The following GRID2 variants were observed in gnomAD, a reference collection of about 807,000 sequenced individuals.
The protein encoded by GRID2 is glutamate ionotropic receptor delta type subunit 2.
Under a neutral mutation model 114.8 loss-of-function variants are expected in GRID2, and 33 were observed. The observed-to-expected ratio is 0.29, with a 90% CI of 0.22 to 0.38. The LOEUF is 0.38. Ranked by LOEUF, GRID2 falls within the 10% of genes least tolerant of loss-of-function variation. GRID2 has a pLI of 1.00. For missense variants in GRID2, 1,184 were observed against 1,257.7 expected (o/e 0.94, Z 0.89); for synonymous variants, 505 against 449.9 (o/e 1.12, Z -1.55).
At chr4:92,943,478 A>T (rs1751344795) in intron 2 of GRID2, among the ~76,000 whole-genome samples, 1 of 151,934 alleles carries the variant, frequency 6.6e-6, no homozygotes, top group African/African-American at 2.4e-5. Context: ...TTAGCCATTC[A>T]TCTAATTTTT....
At chr4:92,612,241 T>A (rs1038203486) in intron 2 of GRID2, among the ~76,000 whole-genome samples, 1 of 151,516 alleles carries the variant, frequency 6.6e-6, no homozygotes, top group Non-Finnish European at 1.5e-5. Flanking sequence ...GTTGAATTAT[T>A]TTGGCACTTT....
intron 11 of GRID2, among the ~76,000 whole-genome samples, chr4:93,478,133 A>G (rs1725496000): frequency 6.6e-6 from 1 of 150,944 alleles, no homozygotes; most frequent in Non-Finnish European, 1.5e-5. Context: ...AAACAGTGGG[A>G]ATTTTATACA....
At chr4:93,775,159 A>T (rs1047071267), downstream of GRID2, among the ~76,000 whole-genome samples, 24 of 151,892 alleles carry the variant, frequency 1.6e-4, no homozygotes, top group South Asian at 4.8e-3. Flanking sequence ...AAAAAAAAAA[A>T]ATAGTTCTCT....
chr4:92,475,245 C>T (rs1452273577), intron 1 of GRID2, among the ~76,000 whole-genome samples: 1 of 151,240 alleles, frequency 6.6e-6, no homozygotes, highest in African/African-American at 2.4e-5. Context: ...ATATCATTGC[C>T]AAGATCAATG....
rs1196248594 is a variant in GRID2 at position 92,733,401 on chromosome 4, GA to G, written c.244+143118del. Among the ~76,000 whole-genome samples the G allele has an allele frequency of 3.3e-5, 5 of 152,204 alleles. 1 individual carries two copies. In the East Asian group the frequency reaches 9.7e-4, roughly 29 times the overall value. On this transcript the variant is annotated intron_variant, in intron 2 of 15. Transcript: ENST00000282020. ...CTGTCTCTGCCCAAGCTAATTCCAG[GA>G]AATGCTGTCTATTCTATTCAGTGAC...
rs143521732 is a variant in GRID2 at position 93,275,768 on chromosome 4, T to G, written c.1245+37278T>G. On this transcript the variant is annotated intron_variant, in intron 8 of 15. Transcript: ENST00000282020. ...GCTCGTTGGCCATTTATAGATCTTCTTTGGAGAAATGTCCTTTCAAATTTT... is the reference window on the plus strand; with the variant it reads ...GCTCGTTGGCCATTTATAGATCTTCGTTGGAGAAATGTCCTTTCAAATTTT... Among the ~76,000 whole-genome samples the G allele has an allele frequency of 3.7e-3, 567 of 152,020 alleles. 4 individuals carry two copies. Among genetic ancestry groups the G allele is most frequent in the African/African-American group, 0.013 (544 of 41,532 alleles).
intron 2 of GRID2, among the ~76,000 whole-genome samples, chr4:92,710,906 A>T (rs193150992): frequency 6.6e-6 from 1 of 151,902 alleles, no homozygotes; most frequent in Admixed American, 6.6e-5. Flanking sequence ...TGATGAAAAA[A>T]CTAGCATTCA....
chr4:92,563,674 A>G (rs1051323262), intron 1 of GRID2, among the ~76,000 whole-genome samples: 2 of 152,072 alleles, frequency 1.3e-5, no homozygotes, highest in Non-Finnish European at 2.9e-5. Flanking sequence ...CATATGACTA[A>G]TGAGGGAAGC....
chr4:93,677,446 C>A lies in GRID2; in HGVS notation c.2360+51011C>A, dbSNP rs540964962. 3.3e-3 allele frequency among the ~76,000 whole-genome samples: 508 copies of A among 152,310 alleles called. 2 individuals carry two copies. Among genetic ancestry groups the A allele is most frequent in the African/African-American group, 0.012 (489 of 41,570 alleles). Reference sequence around the variant, plus strand: ...GAGCAGTGGTTCTCCCAGCACGCAGCTGGAGATCTGAGAACGGGCAGACTG... The same window carrying A: ...GAGCAGTGGTTCTCCCAGCACGCAGATGGAGATCTGAGAACGGGCAGACTG... On this transcript the variant is annotated intron_variant, in intron 14 of 15. Coordinates refer to ENST00000282020, the MANE Select transcript of GRID2 (RefSeq NM_001510.4).
chr4:92,640,807 G>A (rs1332129055), intron 2 of GRID2, among the ~76,000 whole-genome samples: 1 of 151,770 alleles, frequency 6.6e-6, no homozygotes, highest in East Asian at 1.9e-4. Context: ...ACTTAAACTT[G>A]TAATTCTCAT....
At chr4:93,633,041 CTCTT>C (rs1277044358) in intron 14 of GRID2, among the ~76,000 whole-genome samples, 1 of 145,648 alleles carries the variant, frequency 6.9e-6, no homozygotes, top group East Asian at 2.0e-4. Context: ...TGTATAAGAT[CTCTT>C]TCTATCTCTC....
chr4:93,150,819 A>G lies in GRID2; in HGVS notation c.735+39866A>G, dbSNP rs1475290200. ...CATGTAGAAACTCTCAAACCCCTGA[A>G]TATTACCCACAGAAATACAGTCAGA... On this transcript the variant is annotated intron_variant, in intron 4 of 15. Coordinates refer to ENST00000282020, the MANE Select transcript of GRID2 (RefSeq NM_001510.4). 1.3e-5 allele frequency among the ~76,000 whole-genome samples: 2 copies of G among 151,930 alleles called. 1 individual carries two copies. Among genetic ancestry groups the G allele is most frequent in the Non-Finnish European group, 2.9e-5 (2 of 67,976 alleles).
At chr4:92,861,669 C>A (rs924220348) in intron 2 of GRID2, among the ~76,000 whole-genome samples, 20 of 151,932 alleles carry the variant, frequency 1.3e-4, no homozygotes, top group African/African-American at 4.3e-4. Flanking sequence ...TGACACCTAA[C>A]CCTTCCCTGG....
chr4:93,418,943 G>T (rs904513391), intron 9 of GRID2, among the ~76,000 whole-genome samples: 18 of 151,838 alleles, frequency 1.2e-4, no homozygotes, highest in Admixed American at 5.9e-4. Context: ...AAAGAGGTAA[G>T]CTTCAATTAA....
At chr4:93,759,432 G>A (rs1733025086) in intron 14 of GRID2, among the ~76,000 whole-genome samples, 1 of 152,140 alleles carries the variant, frequency 6.6e-6, no homozygotes, top group African/African-American at 2.4e-5. Flanking sequence ...GAACATAAAT[G>A]TTGTTCTAAA....
intron 2 of GRID2, among the ~76,000 whole-genome samples, chr4:93,007,353 A>G: frequency 6.6e-6 from 1 of 152,048 alleles, no homozygotes; most frequent in Non-Finnish European, 1.5e-5. Flanking sequence ...TTAAAAAAAA[A>G]CCTCTGGACT....
At chr4:93,703,629 A>G (rs1219932623) in intron 14 of GRID2, among the ~76,000 whole-genome samples, 1 of 146,560 alleles carries the variant, frequency 6.8e-6, no homozygotes, top group African/African-American at 2.5e-5. Flanking sequence ...ATATCTCCTA[A>G]TGCTATCCCT....
rs879610740 is a variant in GRID2, at chr4:92,468,802, G to T, written c.89-121329G>T. Among the ~76,000 whole-genome samples the T allele has an allele frequency of 2.0e-5, 3 of 152,058 alleles. No individual in the cohort carries two copies. In the East Asian group the frequency reaches 5.8e-4, roughly 29 times the overall value. On this transcript the variant is annotated intron_variant, in intron 1 of 15. Transcript: ENST00000282020. ...GAAGCCATTAAAATGTTTTAGGCTG[G>T]ATTATAACCACTGGACATGAACGAA...
chr4:92,870,835 GT>G (rs1578354214), intron 2 of GRID2, among the ~76,000 whole-genome samples: 1 of 152,148 alleles, frequency 6.6e-6, no homozygotes, highest in East Asian at 1.9e-4. Flanking sequence ...AAAGGTGTGT[GT>G]GTGTAATTGT....
Sources: gnomAD v4.1 joint callset for allele counts (sites outside exome capture counted in the v4.1 genomes callset) on GRCh38, gnomAD v4.1.1 for gene constraint, MANE v1.5 for transcripts, NCBI Gene and HGNC (gene_info 2026-07-23, HGNC 2026-07-21) for gene names.